IL3RA: variants seen among roughly 807,000 people sequenced by gnomAD.
IL3RA encodes interleukin 3 receptor subunit alpha.
Under a neutral mutation model 52.3 loss-of-function variants are expected in IL3RA, and 73 were observed. The ratio of observed to expected loss-of-function variants is 1.40; its 90% confidence interval spans 1.16 to 1.70. The LOEUF (loss-of-function observed/expected upper bound fraction) is 1.70. Ranked by LOEUF, IL3RA falls within the 40% of genes most tolerant of loss-of-function variation. The pLI is 0.00. For synonymous variants in IL3RA, 260 were observed against 194.0 expected (o/e 1.34, Z -2.83); for missense variants, 664 against 504.4 (o/e 1.32, Z -3.03).
chrX:1,364,067 AG>A (rs2087716583), intron 8 of IL3RA, among the ~76,000 whole-genome samples: 1 of 151,832 alleles, frequency 6.6e-6, no homozygotes, highest in Non-Finnish European at 1.5e-5. Context: ...GGGTGCCTGT[AG>A]TCCCAGCTAC....
At chrX:1,343,210 C>G (rs1411145606) in intron 2 of IL3RA, among the ~76,000 whole-genome samples, 1 of 152,080 alleles carries the variant, frequency 6.6e-6, no homozygotes, top group Non-Finnish European at 1.5e-5. Context: ...TTTGGTCCCG[C>G]TTATCAAACC....
rs1178824855 is a variant in IL3RA at position 1,347,377 on chromosome X, GA to G, written c.184-1052del. 4.1e-4 allele frequency among the ~76,000 whole-genome samples: 61 copies of G among 150,614 alleles called. 2 individuals carry two copies. The highest frequency in any genetic ancestry group is 1.3e-3 in the African/African-American group (52 of 40,212). ...GAGAATGGCTTGAACCTGGGAGGCA[GA>G]AGCTTGCAGTGAGCCGAGATCGCGC... On this transcript the variant is annotated intron_variant, in intron 3 of 11. Coordinates refer to ENST00000331035, the MANE Select transcript of IL3RA (RefSeq NM_002183.4).
chrX:1,364,006 C>A (rs1378651334), intron 8 of IL3RA, among the ~76,000 whole-genome samples: 4 of 148,812 alleles, frequency 2.7e-5, no homozygotes, highest in African/African-American at 7.5e-5. Context: ...CATGGTGAAA[C>A]CCTGTCTCTA....
intron 2 of IL3RA, among the ~76,000 whole-genome samples, chrX:1,344,039 C>A (rs2085616669): frequency 6.6e-6 from 1 of 152,034 alleles, no homozygotes; most frequent in Non-Finnish European, 1.5e-5. Context: ...GGTGATCCGC[C>A]CACCTTGGCC....
chrX:1,344,790 T>TA (rs748367536), intron 2 of IL3RA, among the ~76,000 whole-genome samples: 38 of 150,722 alleles, frequency 2.5e-4, no homozygotes, highest in East Asian at 5.9e-4. Context: ...ATAAAAAATT[T>TA]AAAAAAATAA....
chrX:1,351,818 C>T (rs1163826478), intron 4 of IL3RA, among the ~76,000 whole-genome samples: 2 of 151,138 alleles, frequency 1.3e-5, no homozygotes, highest in Admixed American at 6.6e-5. Context: ...TTAGTAGAGA[C>T]TGGGTTTCAC....
intron 2 of IL3RA, among the ~76,000 whole-genome samples, chrX:1,342,430 T>C (rs375038060): frequency 1.2e-4 from 18 of 152,062 alleles, no homozygotes; most frequent in African/African-American, 4.1e-4. Flanking sequence ...CCTCCCAAAG[T>C]GCTGGGATTA....
chrX:1,381,969 G>A (rs1206116163), intron 11 of IL3RA, among the ~76,000 whole-genome samples: 9 of 150,072 alleles, frequency 6.0e-5, no homozygotes, highest in Admixed American at 1.3e-4. Context: ...TTTTTGAGAC[G>A]CAGTTTTGTT....
intron 6 of IL3RA, among the ~76,000 whole-genome samples, chrX:1,355,813 A>AG (rs1471156803): frequency 6.7e-6 from 1 of 148,846 alleles, no homozygotes; most frequent in African/African-American, 2.5e-5. Flanking sequence ...CATGGGAAGT[A>AG]GGGGTTGGCC....
At chrX:1,353,955 AT>A (rs2086388864) in intron 6 of IL3RA, among the ~76,000 whole-genome samples, 1 of 40,180 alleles carries the variant, frequency 2.5e-5, no homozygotes, top group Admixed American at 2.5e-4. Context: ...CCCCCCCCCC[AT>A]CATGGGTCGT....
At chrX:1,365,113 T>C (rs1464916674) in intron 8 of IL3RA, 25 bp from the exon 9 acceptor site, 5 of 1,566,224 alleles carry the variant, frequency 3.2e-6, no homozygotes, top group Non-Finnish European at 3.5e-6. Flanking sequence ...CTGGCCCCTC[T>C]TCTTTATTTT....
intron 7 of IL3RA, among the ~76,000 whole-genome samples, chrX:1,357,794 G>GGT (rs2086849885): frequency 1.4e-5 from 2 of 140,064 alleles, no homozygotes; most frequent in African/African-American, 5.2e-5. Flanking sequence ...ATCTGTTTGG[G>GGT]TTTTTTTTTT....
chrX:1,358,970 A>C (rs191575449), intron 8 of IL3RA, 83 bp downstream of exon 8: 18 of 935,120 alleles, frequency 1.9e-5, no homozygotes, highest in Admixed American at 7.1e-5. Flanking sequence ...ATGATAAAAA[A>C]TATTAATAAT....
At chrX:1,365,014 G>C in intron 8 of IL3RA, 124 bp from the exon 9 acceptor site, 1 of 625,074 alleles carries the variant, frequency 1.6e-6, no homozygotes, top group Non-Finnish European at 2.9e-6. Flanking sequence ...TCACCATGTT[G>C]GCCAGGCTGG....
intron 10 of IL3RA, among the ~76,000 whole-genome samples, chrX:1,379,447 C>T (rs1202223271): frequency 6.6e-6 from 1 of 151,522 alleles, no homozygotes; most frequent in African/African-American, 2.4e-5. Flanking sequence ...TGAGCCACCG[C>T]ACCTGGCCCC....
At chrX:1,343,023 C>T (rs774076603) in intron 2 of IL3RA, among the ~76,000 whole-genome samples, 26 of 151,750 alleles carry the variant, frequency 1.7e-4, no homozygotes, top group South Asian at 1.2e-3. Flanking sequence ...TGCAGTGAGC[C>T]TAGATCACGC....
Position 1,358,891 on chromosome X carries a change from AGT to A in IL3RA, c.759+7_759+8del, listed in dbSNP as rs748569118. The A allele has an allele frequency of 3.7e-6, 6 of 1,611,378 alleles. No individual in the cohort carries two copies. The highest frequency in any genetic ancestry group is 1.6e-4 in the Middle Eastern group (1 of 6,068). The stretch of plus-strand genomic sequence containing the variant: ...GCAGCCTGTAATCACAGAACAGGTG[AGT>A]GTTCCCTACCCCCAGCCGCTGTACT... On this transcript the variant is annotated splice_donor_5th_base_variant and intron_variant, in intron 8 of 11. Coordinates refer to ENST00000331035, the MANE Select transcript of IL3RA (RefSeq NM_002183.4).
chrX:1,349,186 C>T (rs768196296), intron 4 of IL3RA, among the ~76,000 whole-genome samples: 2 of 88,682 alleles, frequency 2.3e-5, no homozygotes, highest in African/African-American at 9.5e-5. Flanking sequence ...TTTTTAAACA[C>T]CTTTTTTTTT....
At chrX:1,361,480 A>G (rs1161131131) in intron 8 of IL3RA, among the ~76,000 whole-genome samples, 2 of 152,146 alleles carry the variant, frequency 1.3e-5, no homozygotes, top group African/African-American at 4.8e-5. Flanking sequence ...CGCCGGGCGC[A>G]GTGACTCATG....
Sources: allele counts gnomAD v4.1 joint callset (sites outside exome capture counted in the v4.1 genomes callset), GRCh38; gene constraint gnomAD v4.1.1; transcripts MANE v1.5; gene names NCBI Gene and HGNC (gene_info 2026-07-23, HGNC 2026-07-21).